The following CREB5 variants were observed in gnomAD, a reference collection of about 807,000 sequenced individuals.
The protein encoded by CREB5 is cyclic AMP-responsive element-binding protein 5.
CREB5 carries 19 observed loss-of-function variants against 57.1 expected under a neutral mutation model. The ratio of observed to expected loss-of-function variants is 0.33; its 90% confidence interval spans 0.23 to 0.49. CREB5 has a LOEUF of 0.49. CREB5 is among the 20% of genes least tolerant of loss of function. The pLI is 0.99. For synonymous variants in CREB5, 238 were observed against 238.3 expected, an observed-to-expected ratio of 1.00 and a Z score of 0.01; for missense variants, 579 against 671.6, an observed-to-expected ratio of 0.86 and a Z score of 1.52.
At chr7:28,431,453 A>G (rs570003350) in intron 1 of CREB5, among the ~76,000 whole-genome samples, 1 of 152,310 alleles carries the variant, frequency 6.6e-6, no homozygotes, top group East Asian at 1.9e-4. Flanking sequence ...AAAGCCTCCT[A>G]GATTTTGAGT....
At chr7:28,707,643 G>C (rs1802184937) in intron 5 of CREB5, among the ~76,000 whole-genome samples, 3 of 152,172 alleles carry the variant, frequency 2.0e-5, no homozygotes, top group African/African-American at 7.2e-5. Flanking sequence ...TAGAAAGCAA[G>C]TCAGACAGGG....
In CREB5 at chr7:28,809,310, C is replaced by T; in HGVS notation, c.1150C>T (p.Arg384Trp). ...CGAGAGGCGGCGGAAATTTCTGGAA[C>T]GGAACCGGGCAGCTGCCACCCGCTG... ...PDERRRKFLE[R>W]NRAAATRCRQ... The change falls in exon 9 of 11, where the codon CGG (arginine) becomes TGG (tryptophan). Residue 384 changes from arginine (R) to tryptophan (W), a missense_variant. Around this residue, in one of 3 missense-constraint regions of CREB5, gnomAD observed 6 missense variants for 25.2 expected, o/e 0.24. Transcript: ENST00000357727. 1 of 1,614,188 alleles carries T rather than the reference C, an allele frequency of 6.2e-7. No individual in the cohort carries two copies.
At chr7:28,693,476 A>T (rs1801379404) in intron 5 of CREB5, among the ~76,000 whole-genome samples, 1 of 152,122 alleles carries the variant, frequency 6.6e-6, no homozygotes, top group South Asian at 2.1e-4. Flanking sequence ...CTGTCTGCCC[A>T]CTTGGCTCTG....
intron 3 of CREB5, among the ~76,000 whole-genome samples, chr7:28,501,594 G>T (rs970366254): frequency 6.6e-5 from 10 of 152,152 alleles, no homozygotes; most frequent in African/African-American, 2.2e-4. Flanking sequence ...GGCAATCAGG[G>T]ACTCAGTGGA....
intron 7 of CREB5, among the ~76,000 whole-genome samples, chr7:28,748,027 C>T (rs1183842730): frequency 1.3e-5 from 2 of 152,210 alleles, no homozygotes; most frequent in African/African-American, 4.8e-5. Flanking sequence ...CGTATTCCAG[C>T]TGGGCCTGTG....
At chr7:28,723,347 G>A (rs1268429805) in intron 6 of CREB5, among the ~76,000 whole-genome samples, 1 of 152,172 alleles carries the variant, frequency 6.6e-6, no homozygotes, top group Non-Finnish European at 1.5e-5. Flanking sequence ...ACATTTTGCC[G>A]TATTCGCTTC....
chr7:28,810,539 A>AC (rs1491005569), intron 9 of CREB5, among the ~76,000 whole-genome samples: 6 of 152,032 alleles, frequency 3.9e-5, no homozygotes, highest in Non-Finnish European at 7.4e-5. Context: ...CTAAAAACAC[A>AC]AAAAAAAATT....
chr7:28,753,392 A>G (rs1805095796), intron 7 of CREB5, among the ~76,000 whole-genome samples: 1 of 152,192 alleles, frequency 6.6e-6, no homozygotes, highest in Non-Finnish European at 1.5e-5. Flanking sequence ...ACACACACAC[A>G]CACTCACACA....
chr7:28,703,052 A>C (rs1801943956), intron 5 of CREB5, among the ~76,000 whole-genome samples: 1 of 152,210 alleles, frequency 6.6e-6, no homozygotes, highest in Non-Finnish European at 1.5e-5. Flanking sequence ...AAAGATACTG[A>C]AAAAACATCC....
intron 5 of CREB5, among the ~76,000 whole-genome samples, chr7:28,585,201 A>G (rs1796264330): frequency 6.6e-6 from 1 of 152,234 alleles, no homozygotes; most frequent in African/African-American, 2.4e-5. Context: ...TAATTTGCAA[A>G]GAATGGAAGA....
upstream of CREB5, chr7:28,410,259 TC>T (rs1438839568): frequency 4.4e-6 from 2 of 455,440 alleles, no homozygotes; most frequent in Admixed American, 4.7e-5. Flanking sequence ...AGTCCACTCC[TC>T]CGGCCGCCTC....
chr7:28,788,899 C>T (rs1230259062), intron 7 of CREB5, among the ~76,000 whole-genome samples: 1 of 151,192 alleles, frequency 6.6e-6, no homozygotes, highest in Non-Finnish European at 1.5e-5. Context: ...CGCTGTACAT[C>T]ACCCAGGCTC....
At chr7:28,661,460 C>G (rs1488017328) in intron 5 of CREB5, among the ~76,000 whole-genome samples, 1 of 149,172 alleles carries the variant, frequency 6.7e-6, no homozygotes, top group Non-Finnish European at 1.5e-5. Flanking sequence ...AGCCCAGGCT[C>G]TATGTACATG....
At chr7:28,671,582 G>A (rs976758490) in intron 5 of CREB5, among the ~76,000 whole-genome samples, 2 of 152,198 alleles carry the variant, frequency 1.3e-5, no homozygotes, top group African/African-American at 4.8e-5. Context: ...TTAGTCGCCA[G>A]TCAACATGTG....
intron 5 of CREB5, among the ~76,000 whole-genome samples, chr7:28,640,935 C>A (rs1051727550): frequency 6.6e-6 from 1 of 152,180 alleles, no homozygotes; most frequent in Admixed American, 6.6e-5. Flanking sequence ...AAATTGAGTT[C>A]TATTGTCAAG....
chr7:28,322,244 C>T (rs926484633), intron 1 of CREB5, among the ~76,000 whole-genome samples: 1 of 151,978 alleles, frequency 6.6e-6, no homozygotes, highest in African/African-American at 2.4e-5. Context: ...TTTTGAAATT[C>T]AGGACTACCC....
At chr7:28,458,331 G>T (rs59998190) in intron 1 of CREB5, among the ~76,000 whole-genome samples, 1,741 of 152,232 alleles carry the variant, frequency 0.011, 31 homozygotes, top group African/African-American at 0.04. Flanking sequence ...AATGTGGCTT[G>T]GTACAATTTC....
Position 28,433,276 on chromosome 7 carries a change from C to T in CREB5, c.3+20359C>T, listed in dbSNP as rs539069343. Among the ~76,000 whole-genome samples the T allele has an allele frequency of 3.7e-4, 57 of 152,240 alleles. 1 individual carries two copies. The Middle Eastern group carries it at 0.02, about 55-fold the overall frequency. On this transcript the variant is annotated intron_variant, in intron 1 of 10. Transcript: ENST00000357727. ...CGAATATCCAGGCTATGCAATAGTG[C>T]CTATCACACCTGATTTTCAGCCAAG...
intron 7 of CREB5, among the ~76,000 whole-genome samples, chr7:28,746,164 C>A (rs78758677): frequency 0.031 from 4,717 of 152,244 alleles, 108 homozygotes; most frequent in Middle Eastern, 0.058. Context: ...TTGCAATGAG[C>A]CCCCTTTTTA....
Sources: allele counts gnomAD v4.1 joint callset (sites outside exome capture counted in the v4.1 genomes callset), GRCh38; gene constraint gnomAD v4.1.1; regional missense constraint gnomAD v4.1.1; transcripts MANE v1.5; gene names NCBI Gene and HGNC (gene_info 2026-07-23, HGNC 2026-07-21).